The following XRCC4 variants were observed in gnomAD, a reference collection of about 807,000 sequenced individuals.
The protein encoded by XRCC4 is DNA repair protein XRCC4.
In XRCC4, 28 loss-of-function variants were observed where a neutral mutation model predicts 39.1. The observed-to-expected ratio is 0.72, with a 90% confidence interval of 0.53 to 0.98. The LOEUF is 0.98. Among genes scored for constraint, XRCC4 ranks in the 50% least tolerant of loss-of-function variants. The pLI, the probability that XRCC4 is intolerant of heterozygous loss-of-function variation, is 0.00. For missense variants in XRCC4, 350 were observed against 376.4 expected (o/e 0.93, Z 0.58); for synonymous variants, 123 against 126.4 (o/e 0.97, Z 0.18).
At chr5:83,234,255 A>G (rs1752606241) in intron 6 of XRCC4, among the ~76,000 whole-genome samples, 1 of 152,268 alleles carries the variant, frequency 6.6e-6, no homozygotes, top group Non-Finnish European at 1.5e-5. Flanking sequence ...GTTTTCCTCC[A>G]CCTATTGCCA....
the XRCC4 span, among the ~76,000 whole-genome samples, chr5:83,364,090 A>G: frequency 4.8e-4 from 73 of 152,324 alleles, no homozygotes; most frequent in East Asian, 0.013. Context: ...GCATTGTGAA[A>G]GAGGGGCTTA....
intron 7 of XRCC4, among the ~76,000 whole-genome samples, chr5:83,263,968 T>A (rs1753861931): frequency 6.6e-6 from 1 of 152,184 alleles, no homozygotes; most frequent in African/African-American, 2.4e-5. Context: ...CTAGGGTTTT[T>A]ATGGTTTTAG....
At chr5:83,193,648 ATTATT>A (rs2112693542) in intron 3 of XRCC4, among the ~76,000 whole-genome samples, 1 of 152,266 alleles carries the variant, frequency 6.6e-6, no homozygotes, top group African/African-American at 2.4e-5. Context: ...TATTTTACTG[ATTATT>A]TTATTTCAGG....
At chr5:83,292,076 G>A (rs1754941449) in intron 7 of XRCC4, among the ~76,000 whole-genome samples, 1 of 151,200 alleles carries the variant, frequency 6.6e-6, no homozygotes. Context: ...AAGCTTTGTA[G>A]AGAAAAAAAT....
At chr5:83,123,734 A>G (rs1314231856) in intron 3 of XRCC4, among the ~76,000 whole-genome samples, 1 of 151,968 alleles carries the variant, frequency 6.6e-6, no homozygotes, top group Non-Finnish European at 1.5e-5. Flanking sequence ...TATAGCATAC[A>G]TCTTTACCTT....
chr5:83,183,318 C>A (rs376100531), intron 3 of XRCC4, among the ~76,000 whole-genome samples: 39 of 151,476 alleles, frequency 2.6e-4, no homozygotes, highest in African/African-American at 8.7e-4. Context: ...TCTTTTATGT[C>A]TTTTAAAATT....
chr5:83,199,263 ATTCT>A (rs1419576555), intron 4 of XRCC4, among the ~76,000 whole-genome samples: 3 of 152,174 alleles, frequency 2.0e-5, no homozygotes, highest in East Asian at 1.9e-4. Flanking sequence ...CAGTCAGAAA[ATTCT>A]TTCTTCCATC....
chr5:83,176,985 T>G (rs1177534239), intron 3 of XRCC4, among the ~76,000 whole-genome samples: 1 of 152,162 alleles, frequency 6.6e-6, no homozygotes, highest in African/African-American at 2.4e-5. Flanking sequence ...ATAAAATTAT[T>G]AAAATATTTG....
At chr5:83,216,053 C>T (rs1452109932) in intron 6 of XRCC4, among the ~76,000 whole-genome samples, 1 of 151,428 alleles carries the variant, frequency 6.6e-6, no homozygotes, top group Admixed American at 6.6e-5. Context: ...AAAATATTTG[C>T]AAATCACATA....
chr5:83,327,522 T>C (rs1756302933), intron 7 of XRCC4, among the ~76,000 whole-genome samples: 1 of 151,882 alleles, frequency 6.6e-6, no homozygotes, highest in South Asian at 2.1e-4. Context: ...AAAAGGTAAC[T>C]ATATGGGGTG....
chr5:83,338,253 T>C (rs962348174), intron 7 of XRCC4, among the ~76,000 whole-genome samples: 1 of 152,132 alleles, frequency 6.6e-6, no homozygotes, highest in Non-Finnish European at 1.5e-5. Flanking sequence ...AATTATAAGC[T>C]AGGCTAAAAG....
intron 1 of XRCC4, among the ~76,000 whole-genome samples, chr5:83,100,313 A>G (rs910435586): frequency 2.0e-5 from 3 of 152,146 alleles, no homozygotes; most frequent in African/African-American, 7.2e-5. Context: ...AATATTTGAA[A>G]CATGAATAAT....
intron 7 of XRCC4, among the ~76,000 whole-genome samples, chr5:83,324,538 A>T (rs1401103806): frequency 1.6e-4 from 24 of 152,154 alleles, no homozygotes; most frequent in Admixed American, 1.6e-3. Context: ...GTGTTGATCA[A>T]TATTTTGGGA....
At chr5:83,310,981 C>T in intron 7 of XRCC4, 2 of 358,404 alleles carry the variant, frequency 5.6e-6, no homozygotes, top group Non-Finnish European at 1.1e-5. Context: ...GTAGCCCTGC[C>T]AACACCTTTA....
chr5:83,157,582 TAAAC>T (rs1271982962), intron 3 of XRCC4, among the ~76,000 whole-genome samples: 1 of 151,984 alleles, frequency 6.6e-6, no homozygotes, highest in Non-Finnish European at 1.5e-5. Flanking sequence ...ATATTTCAGA[TAAAC>T]AAAAGAGGCT....
intron 6 of XRCC4, among the ~76,000 whole-genome samples, chr5:83,225,648 T>C (rs1752259631): frequency 6.7e-6 from 1 of 150,252 alleles, no homozygotes; most frequent in South Asian, 2.1e-4. Context: ...GATTTATCTC[T>C]GGGGTGAGCT....
chr5:83,227,575 T>C (rs902431116), intron 6 of XRCC4, among the ~76,000 whole-genome samples: 1 of 152,072 alleles, frequency 6.6e-6, no homozygotes, highest in Non-Finnish European at 1.5e-5. Context: ...TTCAAGATCG[T>C]TATCTAAAGG....
chr5:83,256,301 A>G (rs1287559416), intron 6 of XRCC4, among the ~76,000 whole-genome samples: 1 of 152,186 alleles, frequency 6.6e-6, no homozygotes. Context: ...TGCAGACATT[A>G]TAATACATGA....
chr5:83,127,237 G>A (rs1747313807), intron 3 of XRCC4, among the ~76,000 whole-genome samples: 1 of 152,144 alleles, frequency 6.6e-6, no homozygotes. Flanking sequence ...CCCAAAATTT[G>A]TGTGTGGAAA....
Sources: gnomAD v4.1 joint callset for allele counts (sites outside exome capture counted in the v4.1 genomes callset) on GRCh38, gnomAD v4.1.1 for gene constraint, MANE v1.5 for transcripts, NCBI Gene and HGNC (gene_info 2026-07-23, HGNC 2026-07-21) for gene names.